The following TPP2 variants were observed in gnomAD, a reference collection of about 807,000 sequenced individuals.
The protein encoded by TPP2 is tripeptidyl-peptidase 2.
Under a neutral mutation model 155.9 loss-of-function variants are expected in TPP2, and 34 were observed. The ratio of observed to expected loss-of-function variants is 0.22; its 90% CI spans 0.17 to 0.29. The LOEUF (loss-of-function observed/expected upper bound fraction) is 0.29. Ranked by LOEUF, TPP2 falls within the 10% of genes least tolerant of loss-of-function variation. The probability of loss-of-function intolerance (pLI) is 1.00; values close to 1 mark genes in which losing one functional copy is unlikely to be tolerated. For missense variants in TPP2, 1,028 were observed against 1,522.3 expected (o/e 0.68, Z 5.40); for synonymous variants, 510 against 529.4 (o/e 0.96, Z 0.50).
At chr13:102,625,714 A>C (rs1252585837) in intron 6 of TPP2, among the ~76,000 whole-genome samples, 3 of 152,252 alleles carry the variant, frequency 2.0e-5, no homozygotes, top group African/African-American at 7.2e-5. Context: ...GTTTTCTTGC[A>C]TGACAGCAGC....
chr13:102,676,174 T>A (rs1170828141), intron 28 of TPP2, 122 bp from the exon 29 acceptor site: 2 of 916,556 alleles, frequency 2.2e-6, no homozygotes, highest in Non-Finnish European at 3.1e-6. Context: ...AAAAATGTAC[T>A]CTATGTACCA....
Position 102,634,092 on chromosome 13 carries a change from C to T in TPP2, c.1387C>T (p.Leu463Phe). 1 of 1,614,060 alleles carries T rather than the reference C, an allele frequency of 6.2e-7. No individual in the cohort carries two copies. The highest frequency in any genetic ancestry group is 8.5e-7 in the Non-Finnish European group (1 of 1,179,942). ...PNACGGIALI[L>F]SGLKANNIDY... Reference sequence around the variant, plus strand: ...TGCATGTGGAGGCATTGCCCTGATCCTTTCAGGTAAGCGTGTTCTTTATTG... The same window carrying T: ...TGCATGTGGAGGCATTGCCCTGATCTTTTCAGGTAAGCGTGTTCTTTATTG... The change falls in exon 11 of 30, where the codon CTT becomes TTT. Residue 463 changes from leucine (L) to phenylalanine (F), a missense_variant. Physicochemically the swap from Leu to Phe is conservative, Grantham distance 22. Coordinates refer to ENST00000376052, the MANE Select transcript of TPP2 (RefSeq NM_001330588.2).
At chr13:102,616,014 T>C (rs1880691419) in intron 3 of TPP2, among the ~76,000 whole-genome samples, 1 of 152,064 alleles carries the variant, frequency 6.6e-6, no homozygotes, top group African/African-American at 2.4e-5. Context: ...TGGAGTGCAG[T>C]GGCTCAATCT....
chr13:102,601,746 C>T (rs893105377), intron 1 of TPP2, among the ~76,000 whole-genome samples: 3 of 152,162 alleles, frequency 2.0e-5, no homozygotes, highest in African/African-American at 7.2e-5. Context: ...CATGGCAAAT[C>T]CTCAGGGGGT....
In TPP2 at chr13:102,649,402, G is replaced by A. The variant is rs746547528; in HGVS notation, c.2874-6G>A. The A allele has an allele frequency of 5.0e-6, 8 of 1,604,386 alleles. No homozygotes were observed. In the South Asian group the frequency reaches 7.9e-5, roughly 16 times the overall value. On this transcript the variant is annotated splice_polypyrimidine_tract_variant and splice_region_variant and intron_variant, in intron 22 of 29. Coordinates refer to ENST00000376052, the MANE Select transcript of TPP2 (RefSeq NM_001330588.2). ...GCTTTTTTTCTCTTTGAATTCTCTT[G>A]TTTAGAATACCTAAAGGGGCAGGAC...
intron 1 of TPP2, among the ~76,000 whole-genome samples, chr13:102,598,433 C>G (rs1879155752): frequency 6.6e-6 from 1 of 152,178 alleles, no homozygotes; most frequent in Non-Finnish European, 1.5e-5. Context: ...AATCTTGATT[C>G]CTGGTGTGTG....
chr13:102,644,786 A>AG lies in TPP2; in HGVS notation c.2292+114dup, dbSNP rs1314840050. ...GAGGGGAAATTACCTGTGGTTCTGA[A>AG]GATAGCAGTAGGCTTTGTGTGTGGG... On this transcript the variant is annotated intron_variant, in intron 18 of 29. Coordinates refer to ENST00000376052, the MANE Select transcript of TPP2 (RefSeq NM_001330588.2). The AG allele has an allele frequency of 6.4e-6, 9 of 1,399,906 alleles. No individual in the cohort carries two copies. In the African/African-American group the frequency reaches 1.1e-4, roughly 18 times the overall value. 86.7% of individuals were successfully genotyped at this position (1,399,906 alleles called of 1,614,324 possible).
At chr13:102,676,140 C>A (rs541255655) in intron 28 of TPP2, among the ~76,000 whole-genome samples, 156 bp from the exon 29 acceptor site, 3 of 152,130 alleles carry the variant, frequency 2.0e-5, no homozygotes, top group Admixed American at 6.5e-5. Flanking sequence ...TTTGAAGACA[C>A]CAATTTTCTT....
At chr13:102,640,130 T>A in intron 15 of TPP2, 140 bp from the exon 16 acceptor site, 1 of 623,416 alleles carries the variant, frequency 1.6e-6, no homozygotes, top group Non-Finnish European at 2.7e-6. Context: ...AACAATATCG[T>A]ACCTACTGTT....
At chr13:102,608,668 CTG>C (rs1159853735) in intron 2 of TPP2, among the ~76,000 whole-genome samples, 1 of 152,056 alleles carries the variant, frequency 6.6e-6, no homozygotes, top group Non-Finnish European at 1.5e-5. Context: ...CATTTTATCT[CTG>C]AGATAAAATT....
chr13:102,634,979 A>G (rs570322312), intron 11 of TPP2, among the ~76,000 whole-genome samples: 54 of 152,286 alleles, frequency 3.5e-4, no homozygotes, highest in African/African-American at 1.3e-3. Flanking sequence ...AATATCATCA[A>G]TGTTTATGTG....
intron 9 of TPP2, among the ~76,000 whole-genome samples, 198 bp from the exon 10 acceptor site, chr13:102,629,898 G>C (rs943965679): frequency 6.6e-6 from 1 of 152,164 alleles, no homozygotes; most frequent in Admixed American, 6.5e-5. Context: ...TAGGTATTTT[G>C]TATCCAAAAG....
At chr13:102,601,597 C>T (rs190631362) in intron 1 of TPP2, among the ~76,000 whole-genome samples, 10 of 152,262 alleles carry the variant, frequency 6.6e-5, no homozygotes, top group African/African-American at 1.9e-4. Flanking sequence ...GATTTAATAC[C>T]GAAGCTCTTA....
chr13:102,614,112 C>G lies in TPP2; in HGVS notation c.306C>G (p.Ser102Arg), dbSNP rs940870321. 1.2e-6 allele frequency: 2 copies of G among 1,612,450 alleles called. No individual in the cohort carries two copies. The highest frequency in any genetic ancestry group is 2.7e-5 in the African/African-American group (2 of 74,728). Reference sequence around the variant, plus strand: ...TTTTTTTTCTGTAGATTCCTGCAAGCTGGACAAATCCCTCAGGCAAATATC... The same window carrying G: ...TTTTTTTTCTGTAGATTCCTGCAAGGTGGACAAATCCCTCAGGCAAATATC... ...LSGRVLKIPA[S>R]WTNPSGKYHI... Residue 102 changes from serine to arginine, a missense_variant, in exon 3 of 30, where the codon AGC becomes AGG. By Grantham distance (110) the Ser-to-Arg change is moderately radical. Around this residue, in one of 7 missense-constraint regions of TPP2, gnomAD observed 300 missense variants for 398.3 expected, o/e 0.75. Transcript: ENST00000376052.
At chr13:102,611,446 A>G (rs1484318331) in intron 2 of TPP2, among the ~76,000 whole-genome samples, 1 of 152,160 alleles carries the variant, frequency 6.6e-6, no homozygotes, top group Non-Finnish European at 1.5e-5. Flanking sequence ...GAGGCCAAGC[A>G]CTTTGGATCA....
chr13:102,638,726 A>G (rs1399465517), intron 15 of TPP2, among the ~76,000 whole-genome samples: 2 of 152,106 alleles, frequency 1.3e-5, no homozygotes, highest in East Asian at 1.9e-4. Flanking sequence ...CCACTTTTCT[A>G]GTTATCTACT....
rs1459061569 is a variant in TPP2, at chr13:102,679,694, T to C, written c.*1378T>C. 1 of 152,258 alleles carries C rather than the reference T, an allele frequency of 6.6e-6. No homozygotes were observed. The highest frequency in any genetic ancestry group is 2.4e-5 in the African/African-American group (1 of 41,470). The allele number at this position is 152,258 out of a possible 1,614,324, so 9.4% of individuals were successfully genotyped here. A position where few individuals can be genotyped will look rare whatever the true frequency, so the allele number is the denominator to read the frequency against. On this transcript the variant is annotated 3_prime_UTR_variant, in exon 30 of 30. Transcript: ENST00000376052. The stretch of plus-strand genomic sequence containing the variant: ...ATGCATGTTCTCTCTCACACACTCA[T>C]GGACTTTCACCTGCACACACATACA...
intron 14 of TPP2, 89 bp downstream of exon 14, chr13:102,637,328 G>A: frequency 7.2e-7 from 1 of 1,389,710 alleles, no homozygotes. Context: ...GCAATATATT[G>A]CTTTCTTGCT....
At chr13:102,617,987 A>C (rs1180336178) in intron 4 of TPP2, among the ~76,000 whole-genome samples, 2 of 152,208 alleles carry the variant, frequency 1.3e-5, no homozygotes, top group East Asian at 3.8e-4. Context: ...TCTCAATTTC[A>C]GTATTTATAT....
Sources: allele counts gnomAD v4.1 joint callset (sites outside exome capture counted in the v4.1 genomes callset), GRCh38; gene constraint gnomAD v4.1.1; regional missense constraint gnomAD v4.1.1; transcripts MANE v1.5; gene names NCBI Gene and HGNC (gene_info 2026-07-23, HGNC 2026-07-21).